Variants in CAST observed in about 807,000 individuals in gnomAD.
The protein encoded by CAST is calpastatin.
Under a neutral mutation model 119.6 loss-of-function variants are expected in CAST, and 76 were observed. That is an observed-to-expected ratio of 0.64 (90% CI 0.53 to 0.77). CAST has a LOEUF of 0.77. Among genes scored for constraint, CAST ranks in the 30% least tolerant of loss-of-function variants. CAST has a pLI of 0.00. For synonymous variants in CAST, 319 were observed against 331.6 expected (o/e 0.96, Z 0.41); for missense variants, 953 against 946.5 (o/e 1.01, Z -0.09).
At chr5:96,617,790 TAAAAAAAAAAAAAAAAAAA>T (rs1162873931) in intron 1 of CAST, among the ~76,000 whole-genome samples, 1,061 of 21,982 alleles carry the variant, frequency 0.048, 21 homozygotes, top group South Asian at 0.13. Context: ...AAATTCCATC[TAAAAAAAAAAAAAAAAAAA>T]AAAAAAAAAA....
At chr5:96,325,931 TAA>T in the CAST span, among the ~76,000 whole-genome samples, 1 of 152,200 alleles carries the variant, frequency 6.6e-6, no homozygotes, top group African/African-American at 2.4e-5. Context: ...CATGATACAT[TAA>T]GTCTCTCCAC....
chr5:96,115,997 T>C, the CAST span, among the ~76,000 whole-genome samples: 9 of 151,974 alleles, frequency 5.9e-5, no homozygotes, highest in Non-Finnish European at 1.0e-4. Context: ...TACAGTTTAA[T>C]GAATTTTGGT....
At chr5:95,999,243 T>C in the CAST span, among the ~76,000 whole-genome samples, 5 of 152,190 alleles carry the variant, frequency 3.3e-5, no homozygotes, top group Non-Finnish European at 5.9e-5. Flanking sequence ...ATGTGTTTTT[T>C]TGTGTCTGGC....
At chr5:96,622,693 A>G (rs1334831006) in intron 1 of CAST, among the ~76,000 whole-genome samples, 1 of 152,152 alleles carries the variant, frequency 6.6e-6, no homozygotes, top group African/African-American at 2.4e-5. Flanking sequence ...TCTGATGTCC[A>G]AAGTATGTTC....
In CAST at chr5:96,740,033, TC is replaced by T. The variant is rs758052271; in HGVS notation, c.799-3del. Reference sequence around the variant, plus strand: ...AATATCCCTATGTGTATGATTTTGTTCCAGGATCCAATGAGTTCCACCTACA... The same window carrying T: ...AATATCCCTATGTGTATGATTTTGTTCAGGATCCAATGAGTTCCACCTACA... On this transcript the variant is annotated splice_polypyrimidine_tract_variant and splice_region_variant and intron_variant, in intron 11 of 31. Coordinates refer to ENST00000675179, the MANE Select transcript of CAST (RefSeq NM_001750.7). 1 of 1,490,624 alleles carries T rather than the reference TC, an allele frequency of 6.7e-7. No homozygotes were observed. The highest frequency in any genetic ancestry group is 9.3e-7 in the Non-Finnish European group (1 of 1,079,390). 92.3% of individuals were successfully genotyped at this position (1,490,624 alleles called of 1,614,324 possible).
At chr5:96,248,859 G>T in the CAST span, among the ~76,000 whole-genome samples, 1 of 152,172 alleles carries the variant, frequency 6.6e-6, no homozygotes, top group Non-Finnish European at 1.5e-5. Flanking sequence ...TAATTTTGTT[G>T]TCAGATGTAT....
intron 1 of CAST, among the ~76,000 whole-genome samples, chr5:96,558,852 T>C (rs1431694167): frequency 2.0e-5 from 3 of 152,146 alleles, no homozygotes; most frequent in Non-Finnish European, 2.9e-5. Context: ...CCCTAACTCA[T>C]TTTATGAGGC....
At chr5:96,068,746 G>A in the CAST span, among the ~76,000 whole-genome samples, 36 of 151,076 alleles carry the variant, frequency 2.4e-4, no homozygotes, top group African/African-American at 8.5e-4. Flanking sequence ...AAATGTGTAT[G>A]TAAATACATA....
At chr5:96,322,740 G>A in the CAST span, among the ~76,000 whole-genome samples, 14 of 152,180 alleles carry the variant, frequency 9.2e-5, no homozygotes, top group African/African-American at 2.6e-4. Context: ...TTTTCCTGCC[G>A]CAGCTTCTGA....
the CAST span, among the ~76,000 whole-genome samples, chr5:96,504,527 T>C: frequency 0.12 from 16,827 of 144,272 alleles, 1,183 homozygotes; most frequent in Non-Finnish European, 0.17. Flanking sequence ...TAGAATACTT[T>C]TTTTTTTTTT....
At chr5:96,202,590 C>G in the CAST span, among the ~76,000 whole-genome samples, 1 of 152,026 alleles carries the variant, frequency 6.6e-6, no homozygotes, top group African/African-American at 2.4e-5. Flanking sequence ...ACAAAACTTT[C>G]TGAAGACAAA....
chr5:96,720,125 GT>G (rs57829304), intron 3 of CAST, among the ~76,000 whole-genome samples: 89 of 152,300 alleles, frequency 5.8e-4, no homozygotes, highest in African/African-American at 2.0e-3. Flanking sequence ...ACCTGACACA[GT>G]ACCTGGCACA....
the CAST span, among the ~76,000 whole-genome samples, chr5:96,049,889 CAAAAAAA>C: frequency 7.2e-3 from 245 of 34,180 alleles, no homozygotes; most frequent in East Asian, 0.062. Context: ...GAACAGGAGG[CAAAAAAA>C]AAAAAAAAAA....
At chr5:96,671,380 T>C (rs1750049855) in intron 1 of CAST, among the ~76,000 whole-genome samples, 1 of 152,230 alleles carries the variant, frequency 6.6e-6, no homozygotes. Flanking sequence ...TTTGTTATTT[T>C]TCGTGCCTTT....
chr5:96,632,703 A>C (rs7732490), intron 1 of CAST, among the ~76,000 whole-genome samples: 3 of 152,102 alleles, frequency 2.0e-5, no homozygotes, highest in African/African-American at 7.2e-5. Context: ...CTTCCTTCTC[A>C]TTAAATTCTT....
At chr5:96,291,392 A>T in the CAST span, among the ~76,000 whole-genome samples, 1 of 152,232 alleles carries the variant, frequency 6.6e-6, no homozygotes, top group South Asian at 2.1e-4. Flanking sequence ...TAATGTGTAC[A>T]AATTCTCTTT....
At chr5:96,562,641 A>G (rs1293785593) in intron 1 of CAST, among the ~76,000 whole-genome samples, 2 of 152,340 alleles carry the variant, frequency 1.3e-5, no homozygotes, top group South Asian at 2.1e-4. Context: ...GAATTTTACT[A>G]TACATGTACT....
chr5:96,309,493 T>C, the CAST span, among the ~76,000 whole-genome samples: 1 of 152,344 alleles, frequency 6.6e-6, no homozygotes, highest in South Asian at 2.1e-4. Context: ...CAGATGCCAC[T>C]GGGGCATGAA....
chr5:96,759,788 A>G (rs1274846897), intron 24 of CAST, among the ~76,000 whole-genome samples: 1 of 152,046 alleles, frequency 6.6e-6, no homozygotes, highest in Non-Finnish European at 1.5e-5. Context: ...GTTTAAAGCC[A>G]ATAGTCAGTT....
Sources: allele counts gnomAD v4.1 joint callset (sites outside exome capture counted in the v4.1 genomes callset), GRCh38; gene constraint gnomAD v4.1.1; transcripts MANE v1.5; gene names NCBI Gene and HGNC (gene_info 2026-07-23, HGNC 2026-07-21).